The following DNAL1 variants were observed in gnomAD, a reference collection of about 807,000 sequenced individuals.
DNAL1 encodes the protein chromosome 14 open reading frame 168.
A neutral mutation model predicts 29.4 loss-of-function variants in DNAL1; 17 were observed. The observed-to-expected ratio is 0.58, with a 90% confidence interval of 0.40 to 0.87. DNAL1 has a LOEUF of 0.87. Among genes scored for constraint, DNAL1 ranks in the 40% least tolerant of loss-of-function variants. The pLI is 0.00. For missense variants in DNAL1, 188 were observed against 214.1 expected (o/e 0.88, Z 0.76); for synonymous variants, 78 against 76.3 (o/e 1.02, Z -0.12).
At position 73,654,853 on chromosome 14, in the gene DNAL1, G is replaced by C; in HGVS notation, c.10G>C (p.Ala4Pro). 1 of 1,518,830 alleles carries C rather than the reference G, an allele frequency of 6.6e-7. No individual in the cohort carries two copies. The highest frequency in any genetic ancestry group is 1.3e-5 in the South Asian group (1 of 77,616). The allele number at this position is 1,518,830 out of a possible 1,614,324, so 94.1% of individuals were successfully genotyped here. MAKATTIKEALARW... is the reference protein window; with the variant it reads MAKPTTIKEALARW... ...CTTTTTTTTTTTTTTAAAGGCGAAA[G>C]CAACAACAATCAAAGAAGCCTTAGC... Residue 4 changes from alanine to proline, a missense_variant, in exon 2 of 8, where the codon GCA (alanine) becomes CCA (proline). By Grantham distance (27) the Ala-to-Pro change is conservative (BLOSUM62 -1). Coordinates refer to ENST00000553645, the MANE Select transcript of DNAL1 (RefSeq NM_031427.4).
rs17129433 is a variant in DNAL1, at chr14:73,697,788, C to T, written c.*1846C>T. ...AAAGAGGAAAACTTGGTCTAACACC[C>T]TTTTAGTTTTCTTTTCTCTCTTCTT... On this transcript the variant is annotated 3_prime_UTR_variant, in exon 8 of 8. Transcript: ENST00000553645. 31 of 150,510 alleles carry T rather than the reference C, an allele frequency of 2.1e-4. No individual in the cohort carries two copies. In the East Asian group the frequency reaches 5.9e-3, roughly 28 times the overall value. The allele number at this position is 150,510 out of a possible 1,614,324, so 9.3% of individuals were successfully genotyped here.
Position 73,696,760 on chromosome 14 carries a change from A to G in DNAL1, c.*818A>G, listed in dbSNP as rs886050692. ...CTTATGTGTTTAAAGCATTAGTTAT[A>G]TTTGAATTCCTAGACTAAATGCTGG... On this transcript the variant is annotated 3_prime_UTR_variant, in exon 8 of 8. Coordinates refer to ENST00000553645, the MANE Select transcript of DNAL1 (RefSeq NM_031427.4). 4 of 152,216 alleles carry G rather than the reference A, an allele frequency of 2.6e-5. No individual in the cohort carries two copies. Among genetic ancestry groups the G allele is most frequent in the Non-Finnish European group, 5.9e-5 (4 of 68,040 alleles). The allele number at this position is 152,216 out of a possible 1,614,324, so 9.4% of individuals were successfully genotyped here.
intron 4 of DNAL1, 91 bp from the exon 5 acceptor site, chr14:73,671,451 A>G: frequency 8.0e-7 from 1 of 1,242,382 alleles, no homozygotes; most frequent in Non-Finnish European, 1.0e-6. Flanking sequence ...TATCTATTAT[A>G]TAAAACTTAT....
At chr14:73,659,762 TAAAA>T (rs35589078) in intron 3 of DNAL1, 1 of 150,612 alleles carries the variant, frequency 6.6e-6, no homozygotes. Context: ...AGATACCCCT[TAAAA>T]AAAAAGTTTA....
chr14:73,675,131 G>A (rs1891700734), intron 5 of DNAL1, among the ~76,000 whole-genome samples: 1 of 151,786 alleles, frequency 6.6e-6, no homozygotes, highest in African/African-American at 2.4e-5. Flanking sequence ...ACTCCTACCA[G>A]TTGTAATTTT....
intron 3 of DNAL1, among the ~76,000 whole-genome samples, chr14:73,659,413 C>T (rs971182806): frequency 1.3e-5 from 2 of 151,618 alleles, no homozygotes; most frequent in Admixed American, 6.6e-5. Flanking sequence ...CCGCCCACCT[C>T]GGCCTCCCAA....
At chr14:73,645,810 T>C (rs1890963993) in intron 1 of DNAL1, among the ~76,000 whole-genome samples, 1 of 152,246 alleles carries the variant, frequency 6.6e-6, no homozygotes, top group South Asian at 2.1e-4. Flanking sequence ...CAACTCTTAC[T>C]TGATGTGTTC....
rs868121321 is a variant in DNAL1, at chr14:73,654,792, T to A, written c.4-55T>A. On this transcript the variant is annotated intron_variant, in intron 1 of 7. Transcript: ENST00000553645. ...TACATACATACATACATACATACAT[T>A]CATACATACATACAACTTTGTTTTT... 8 of 1,427,328 alleles carry A rather than the reference T, an allele frequency of 5.6e-6. No individual in the cohort carries two copies. The Middle Eastern group carries it at 6.7e-4, about 120-fold the overall frequency. The allele number at this position is 1,427,328 out of a possible 1,614,324, so 88.4% of individuals were successfully genotyped here. A position where few individuals can be genotyped will look rare whatever the true frequency, so the allele number is the denominator to read the frequency against.
chr14:73,681,989 A>G (rs1257794197), intron 5 of DNAL1, among the ~76,000 whole-genome samples: 1 of 151,416 alleles, frequency 6.6e-6, no homozygotes, highest in African/African-American at 2.4e-5. Flanking sequence ...GTGCATGCCT[A>G]TAATTCCAGT....
chr14:73,680,132 C>G (rs1215388453), intron 5 of DNAL1, among the ~76,000 whole-genome samples: 1 of 152,150 alleles, frequency 6.6e-6, no homozygotes, highest in East Asian at 1.9e-4. Flanking sequence ...GGCATTTACT[C>G]TTCAGAGAAA....
chr14:73,647,105 T>C lies in DNAL1; in HGVS notation c.3+2063T>C, dbSNP rs568892146. On this transcript the variant is annotated intron_variant, in intron 1 of 7. Coordinates refer to ENST00000553645, the MANE Select transcript of DNAL1 (RefSeq NM_031427.4). ...AGGGCACGGTGGCTCACACCTTTAA[T>C]TCCAGCACTTTGGTAGGCCGAGGTG... Among the ~76,000 whole-genome samples the C allele has an allele frequency of 3.3e-5, 5 of 152,238 alleles. No individual in the cohort carries two copies. The East Asian group carries it at 9.6e-4, about 29-fold the overall frequency.
intron 7 of DNAL1, among the ~76,000 whole-genome samples, chr14:73,694,891 G>A (rs1892266633): frequency 6.6e-6 from 1 of 151,964 alleles, no homozygotes; most frequent in South Asian, 2.1e-4. Flanking sequence ...GTTTCACCAT[G>A]TTCGCCAGGC....
intron 2 of DNAL1, 95 bp from the exon 3 acceptor site, chr14:73,658,752 T>C: frequency 1.1e-6 from 1 of 887,042 alleles, no homozygotes; most frequent in Non-Finnish European, 1.7e-6. Flanking sequence ...GCAATTGTCT[T>C]GAAATAAACA....
At chr14:73,660,208 G>C (rs1891312454) in intron 3 of DNAL1, among the ~76,000 whole-genome samples, 1 of 152,206 alleles carries the variant, frequency 6.6e-6, no homozygotes, top group Non-Finnish European at 1.5e-5. Flanking sequence ...GGGACTACAG[G>C]CATGAGCCAT....
At chr14:73,689,862 C>A (rs1020599520) in intron 7 of DNAL1, among the ~76,000 whole-genome samples, 1 of 151,388 alleles carries the variant, frequency 6.6e-6, no homozygotes, top group East Asian at 2.0e-4. Flanking sequence ...ATGGTGAAAC[C>A]CCATCTCTAC....
rs144359106 is a variant in DNAL1, at chr14:73,664,203, C to T, written c.208+2161C>T. 2.9e-3 allele frequency among the ~76,000 whole-genome samples: 449 copies of T among 152,286 alleles called. 2 individuals carry two copies. Among genetic ancestry groups the T allele is most frequent in the African/African-American group, 9.7e-3 (405 of 41,550 alleles). ...CTGTAGCTGTGATTTTTCAGGCAGG[C>T]TGCTTTTCCAAGGACCAGCCTTAAC... is the stretch of plus-strand genomic sequence containing the variant. On this transcript the variant is annotated intron_variant, in intron 4 of 7. Transcript: ENST00000553645.
intron 5 of DNAL1, among the ~76,000 whole-genome samples, chr14:73,672,296 A>T (rs536926840): frequency 1.7e-4 from 26 of 152,236 alleles, no homozygotes; most frequent in Admixed American, 1.4e-3. Flanking sequence ...TGATGAGTTT[A>T]TAAAATGCTG....
intron 4 of DNAL1, among the ~76,000 whole-genome samples, chr14:73,667,448 G>T (rs1403858963): frequency 6.6e-6 from 1 of 151,944 alleles, no homozygotes; most frequent in Non-Finnish European, 1.5e-5. Flanking sequence ...CACTTAACAT[G>T]TCCAAAACTG....
At chr14:73,660,017 C>T (rs1891308512) in intron 3 of DNAL1, among the ~76,000 whole-genome samples, 2 of 152,156 alleles carry the variant, frequency 1.3e-5, no homozygotes, top group Non-Finnish European at 2.9e-5. Context: ...ACCTCTGCCT[C>T]CTGGGTTCAA....
Sources: gnomAD v4.1 joint callset for allele counts (sites outside exome capture counted in the v4.1 genomes callset) on GRCh38, gnomAD v4.1.1 for gene constraint, MANE v1.5 for transcripts, NCBI Gene and HGNC (gene_info 2026-07-23, HGNC 2026-07-21) for gene names.